The following IQANK1 variants were observed in gnomAD, a reference collection of about 807,000 sequenced individuals.
IQANK1 encodes IQ motif and ankyrin repeat containing 1, also known as IQ motif and ankyrin repeat domain-containing protein 1.
In IQANK1, 30 loss-of-function variants were observed where a neutral mutation model predicts 22.6. That is an observed-to-expected ratio of 1.33 (90% CI 0.99 to 1.80). IQANK1 has a LOEUF of 1.80. Ranked by LOEUF, IQANK1 falls within the 40% of genes most tolerant of loss-of-function variation. The pLI is 0.00. For missense variants in IQANK1, 275 were observed against 235.2 expected, an observed-to-expected ratio of 1.17 and a Z score of -1.11; for synonymous variants, 122 against 99.6, an observed-to-expected ratio of 1.23 and a Z score of -1.34.
Position 143,771,952 on chromosome 8 carries a change from C to T in IQANK1, c.458C>T (p.Ala153Val), listed in dbSNP as rs1296587462. The T allele has an allele frequency of 8.4e-6, 3 of 359,180 alleles. No individual in the cohort carries two copies. The highest frequency in any genetic ancestry group is 6.2e-5 in the Admixed American group (1 of 16,122). 22.2% of individuals were successfully genotyped at this position (359,180 alleles called of 1,614,324 possible). A position where few individuals can be genotyped will look rare whatever the true frequency, so the allele number is the denominator to read the frequency against. ...GACGGGGACGTGGGCGAGATCCGGG[C>T]GGTGCTGAAGGAGGTCAGCGGGGGC... ...AFDGDVGEIRAVLKEVEQLLT... is the reference protein window; with the variant it reads ...AFDGDVGEIRVVLKEVEQLLT... The change falls in exon 5 of 14, where the codon GCG (alanine) becomes GTG (valine). Residue 153 changes from alanine (A) to valine (V), a missense_variant. Ala to Val is a moderately conservative substitution (Grantham distance 64). Transcript: ENST00000527139. This position sits in a 1 kb window ranked among gnomAD's most constrained non-coding sequence, Gnocchi z 6.0.
intron 7 of IQANK1, among the ~76,000 whole-genome samples, chr8:143,776,576 A>G (rs932540524): frequency 6.6e-6 from 1 of 152,110 alleles, no homozygotes; most frequent in Non-Finnish European, 1.5e-5. Context: ...GGAAGGGGGA[A>G]CGTAGACAGA....
rs556860884 is a variant in IQANK1 at position 143,741,956 on chromosome 8, G to A, written c.175+2008G>A. 9 of 219,968 alleles carry A rather than the reference G, an allele frequency of 4.1e-5. 1 individual carries two copies. Among genetic ancestry groups the A allele is most frequent in the South Asian group, 1.5e-4 (2 of 13,356 alleles). 13.6% of individuals were successfully genotyped at this position (219,968 alleles called of 1,614,324 possible). ...CCATCTTGGAAAATGAGCTCATGCC[G>A]TTGGTGTAACCACCATTCCTGCCCC... On this transcript the variant is annotated intron_variant, in intron 3 of 13. Coordinates refer to ENST00000527139, the MANE Select transcript of IQANK1 (RefSeq NM_001381874.1).
In IQANK1 at chr8:143,734,181, C is replaced by T. The variant is rs1265466611; in HGVS notation, c.-43C>T. 1 of 152,194 alleles carries T rather than the reference C, an allele frequency of 6.6e-6. No individual in the cohort carries two copies. The highest frequency in any genetic ancestry group is 1.5e-5 in the Non-Finnish European group (1 of 68,028). 9.4% of individuals were successfully genotyped at this position (152,194 alleles called of 1,614,324 possible). On this transcript the variant is annotated 5_prime_UTR_variant, in exon 1 of 14. Coordinates refer to ENST00000527139, the MANE Select transcript of IQANK1 (RefSeq NM_001381874.1). ...CGAGCCCGACGCCAGGGGCGGAGCT[C>T]TGGCCTCCTCGCCGAGTTGGGGGAG...
At chr8:143,744,050 T>G (rs1818979347) in intron 3 of IQANK1, 1 of 277,178 alleles carries the variant, frequency 3.6e-6, no homozygotes, top group Non-Finnish European at 7.1e-6. Context: ...GCCAGGATGG[T>G]CTCGATCTCT....
intron 3 of IQANK1, among the ~76,000 whole-genome samples, chr8:143,756,222 T>G (rs972243540): frequency 4.6e-5 from 7 of 152,206 alleles, no homozygotes; most frequent in African/African-American, 1.7e-4. Flanking sequence ...AGTCAATATT[T>G]TCTTCCACGG....
At chr8:143,741,308 C>T (rs548548470) in intron 3 of IQANK1, among the ~76,000 whole-genome samples, 3 of 152,254 alleles carry the variant, frequency 2.0e-5, no homozygotes, top group African/African-American at 4.8e-5. Flanking sequence ...TCCATCTTGT[C>T]GAGGGAAACT....
At position 143,774,932 on chromosome 8, in the gene IQANK1, A is replaced by ACAGAT. The variant is rs2129918615; in HGVS notation, c.789+2451_789+2452insAGATC. On this transcript the variant is annotated intron_variant, in intron 7 of 13. Coordinates refer to ENST00000527139, the MANE Select transcript of IQANK1 (RefSeq NM_001381874.1). This position sits in a 1 kb window ranked among gnomAD's most constrained non-coding sequence, Gnocchi z 4.2. ...ACACTCACATGACAACACTGTGGAG[A>ACAGAT]CGGAGGACAGATCGGAGGGCTGCAG... is the stretch of plus-strand genomic sequence containing the variant. Among the ~76,000 whole-genome samples, 1 of 152,232 alleles carries ACAGAT rather than the reference A, an allele frequency of 6.6e-6. No individual in the cohort carries two copies. The highest frequency in any genetic ancestry group is 2.1e-4 in the South Asian group (1 of 4,820).
chr8:143,734,358 A>T (rs1443965843), intron 1 of IQANK1, 139 bp downstream of exon 1: 4 of 151,636 alleles, frequency 2.6e-5, no homozygotes, highest in African/African-American at 9.7e-5. Flanking sequence ...GCCCACACAG[A>T]GGACCCCCAG....
intron 7 of IQANK1, among the ~76,000 whole-genome samples, chr8:143,784,869 G>A (rs1394077432): frequency 6.6e-6 from 1 of 152,226 alleles, no homozygotes; most frequent in African/African-American, 2.4e-5. Flanking sequence ...CATGTTTGAT[G>A]ATCAGCACTA....
At chr8:143,783,517 C>T (rs1251961781) in intron 7 of IQANK1, among the ~76,000 whole-genome samples, 1 of 152,118 alleles carries the variant, frequency 6.6e-6, no homozygotes, top group Non-Finnish European at 1.5e-5. Context: ...TTATAGGTGT[C>T]TTCTGTCTTA....
chr8:143,748,368 C>G (rs536709435), intron 3 of IQANK1, among the ~76,000 whole-genome samples: 1 of 150,062 alleles, frequency 6.7e-6, no homozygotes, highest in Non-Finnish European at 1.5e-5. Context: ...GGTATTATCT[C>G]CAACTATTAT....
chr8:143,739,866 C>T lies in IQANK1; in HGVS notation c.93C>T (p.Pro31=), dbSNP rs372741198. The part of the protein sequence containing the change: ...GPKTRAAAGK[P]GENRPPQRKA... ...ACGGTCGTTTTCCCTTAGGGAAGCC[C>T]GGGGAGAACCGCCCGCCGCAGAGGA... Residue 31 remains proline (P), a synonymous_variant, in exon 3 of 14, where the codon CCC becomes CCT. Coordinates refer to ENST00000527139, the MANE Select transcript of IQANK1 (RefSeq NM_001381874.1). The T allele has an allele frequency of 4.8e-5, 33 of 694,186 alleles. No individual in the cohort carries two copies. The East Asian group carries it at 8.0e-4, about 17-fold the overall frequency. 43.0% of individuals were successfully genotyped at this position (694,186 alleles called of 1,614,324 possible).
At chr8:143,745,017 C>T (rs372576523) in intron 3 of IQANK1, 11 of 146,260 alleles carry the variant, frequency 7.5e-5, no homozygotes, top group African/African-American at 2.7e-4. Context: ...CTCTCTGTAC[C>T]CCTCTATGTT....
chr8:143,739,052 G>A (rs546058467), intron 2 of IQANK1, among the ~76,000 whole-genome samples: 103 of 152,350 alleles, frequency 6.8e-4, no homozygotes, highest in Non-Finnish European at 1.0e-3. Flanking sequence ...GGGGCCCCGA[G>A]GAAAGTCCTG....
intron 3 of IQANK1, among the ~76,000 whole-genome samples, chr8:143,751,664 G>GTTTATATATATATATATATATATA: frequency 1.6e-5 from 1 of 61,550 alleles, no homozygotes; most frequent in Admixed American, 2.7e-4. Flanking sequence ...GTGTGTGTGT[G>GTTTATATATATATATATATATATA]TATATATATA....
chr8:143,788,732 C>A (rs963886732), intron 7 of IQANK1, among the ~76,000 whole-genome samples, 183 bp from the exon 8 acceptor site: 2 of 152,192 alleles, frequency 1.3e-5, no homozygotes, highest in African/African-American at 2.4e-5. Context: ...GTGGCCTGGG[C>A]TTTGGGGACA....
intron 7 of IQANK1, among the ~76,000 whole-genome samples, chr8:143,780,746 G>A (rs1554630858): frequency 6.6e-6 from 1 of 152,090 alleles, no homozygotes; most frequent in Non-Finnish European, 1.5e-5. Flanking sequence ...TTTAGGTTGA[G>A]TCCATGTCTT....
intron 7 of IQANK1, among the ~76,000 whole-genome samples, chr8:143,779,266 C>G (rs891155344): frequency 1.3e-5 from 2 of 152,204 alleles, no homozygotes; most frequent in African/African-American, 4.8e-5. Flanking sequence ...TCCATTCATA[C>G]ACGCATTCAT....
In IQANK1 at chr8:143,758,869, T is replaced by C. The variant is rs1819339757; in HGVS notation, c.176-12619T>C. 1 of 155,766 alleles carries C rather than the reference T, an allele frequency of 6.4e-6. No individual in the cohort carries two copies. The highest frequency in any genetic ancestry group is 6.5e-5 in the Admixed American group (1 of 15,290). The allele number at this position is 155,766 out of a possible 1,614,324, so 9.6% of individuals were successfully genotyped here. ...ACACGAGAGGTGGTCAAAGCCAAGG[T>C]TTCCCTGCGCTGCCTTTGTCTTCTT... On this transcript the variant is annotated intron_variant, in intron 3 of 13. Coordinates refer to ENST00000527139, the MANE Select transcript of IQANK1 (RefSeq NM_001381874.1). The surrounding 1 kb of genome is among the most constrained non-coding windows in gnomAD (Gnocchi z 4.2).
Sources: gnomAD v4.1 joint callset for allele counts (sites outside exome capture counted in the v4.1 genomes callset) on GRCh38, gnomAD v4.1.1 for gene constraint, Gnocchi (gnomAD v3.1) non-coding constraint, MANE v1.5 for transcripts, NCBI Gene and HGNC (gene_info 2026-07-23, HGNC 2026-07-21) for gene names.